Variants in FAM222B observed in about 807,000 individuals in gnomAD.
FAM222B encodes the protein protein FAM222B.
In FAM222B, 12 loss-of-function variants were observed where a neutral mutation model predicts 38.0. The observed-to-expected ratio is 0.32, with a 90% CI of 0.20 to 0.51. The LOEUF (loss-of-function observed/expected upper bound fraction) is 0.51, where lower values mean the gene tolerates loss of function less well. FAM222B is among the 20% of genes least tolerant of loss of function. The pLI is 0.97. For synonymous variants in FAM222B, 329 were observed against 317.2 expected (o/e 1.04, Z -0.40); for missense variants, 716 against 754.2 (o/e 0.95, Z 0.59).
chr17:28,780,836 C>T (rs982738846), intron 1 of FAM222B, among the ~76,000 whole-genome samples: 5 of 151,716 alleles, frequency 3.3e-5, no homozygotes, highest in Admixed American at 1.3e-4. Flanking sequence ...GAGCCGAGAT[C>T]GCACCATTGG....
intron 1 of FAM222B, among the ~76,000 whole-genome samples, chr17:28,828,658 A>T (rs2038532382): frequency 6.6e-6 from 1 of 152,182 alleles, no homozygotes; most frequent in South Asian, 2.1e-4. Flanking sequence ...ACTTTTAATT[A>T]TGTAAAATGT....
intron 1 of FAM222B, among the ~76,000 whole-genome samples, chr17:28,836,621 C>T (rs113662531): frequency 1.3e-5 from 2 of 151,918 alleles, no homozygotes; most frequent in African/African-American, 4.8e-5. Context: ...GCAGGGGGTA[C>T]GTGACTGGGG....
intron 1 of FAM222B, among the ~76,000 whole-genome samples, chr17:28,840,939 TGACAGAGCAA>T (rs2039015944): frequency 6.8e-6 from 1 of 147,404 alleles, no homozygotes; most frequent in Non-Finnish European, 1.5e-5. Context: ...CCAGCCTGGG[TGACAGAGCAA>T]GACTCCTTCA....
intron 1 of FAM222B, among the ~76,000 whole-genome samples, chr17:28,771,854 A>C (rs983931054): frequency 6.6e-6 from 1 of 152,142 alleles, no homozygotes; most frequent in Admixed American, 6.6e-5. Flanking sequence ...GGAGATCGAG[A>C]CTATCCTGGC....
At chr17:28,804,108 C>A (rs1409369355) in intron 1 of FAM222B, among the ~76,000 whole-genome samples, 1 of 152,126 alleles carries the variant, frequency 6.6e-6, no homozygotes, top group Non-Finnish European at 1.5e-5. Context: ...TAACAAAGGT[C>A]AGGTCTCTTC....
rs1439194275 is a variant in FAM222B, at chr17:28,794,222, C to T, written c.-40-27515G>A. ...CCAGCTGGAATCTACTTGTCTTTTG[C>T]TTTTTTTTTTTTTGGAGACAGAGTC... On this transcript the variant is annotated intron_variant, in intron 1 of 2. Coordinates refer to ENST00000581407, the MANE Select transcript of FAM222B (RefSeq NM_001077498.3). Among the ~76,000 whole-genome samples the T allele has an allele frequency of 2.1e-5, 3 of 142,300 alleles. No homozygotes were observed. The East Asian group carries it at 6.2e-4, about 29-fold the overall frequency. 93.4% of individuals were successfully genotyped at this position (142,300 alleles called of 152,430 possible). A position where few individuals can be genotyped will look rare whatever the true frequency, so the allele number is the denominator to read the frequency against.
chr17:28,758,244 T>C lies in FAM222B; in HGVS notation c.*26A>G, dbSNP rs766245749. ...ACCTAGGAGGGTGATGTATGATGTGTTGCACGTGGAGGGCAGCAGGGCTAC... is the reference window on the plus strand; with the variant it reads ...ACCTAGGAGGGTGATGTATGATGTGCTGCACGTGGAGGGCAGCAGGGCTAC... On this transcript the variant is annotated 3_prime_UTR_variant, in exon 3 of 3. Transcript: ENST00000581407. 5 of 1,521,630 alleles carry C rather than the reference T, an allele frequency of 3.3e-6. No homozygotes were observed. Among genetic ancestry groups the C allele is most frequent in the East Asian group, 2.3e-5 (1 of 44,198 alleles). The allele number at this position is 1,521,630 out of a possible 1,614,324, so 94.3% of individuals were successfully genotyped here. A position where few individuals can be genotyped will look rare whatever the true frequency, so the allele number is the denominator to read the frequency against.
intron 1 of FAM222B, among the ~76,000 whole-genome samples, chr17:28,786,127 C>T (rs1383433917): frequency 6.6e-6 from 1 of 152,106 alleles, no homozygotes; most frequent in Admixed American, 6.5e-5. Context: ...CCACCACACC[C>T]GGCCATAGGT....
chr17:28,776,148 G>A (rs1056706644), intron 1 of FAM222B, among the ~76,000 whole-genome samples: 5 of 150,136 alleles, frequency 3.3e-5, no homozygotes, highest in African/African-American at 4.9e-5. Flanking sequence ...TGAGGCGGGC[G>A]TATCATGAGA....
upstream of FAM222B, among the ~76,000 whole-genome samples, chr17:28,845,700 TCTGG>T (rs796377758): frequency 2.1e-5 from 3 of 144,154 alleles, no homozygotes; most frequent in East Asian, 6.4e-4. Flanking sequence ...TCGAGACCAT[TCTGG>T]CTAACACGGT....
At chr17:28,796,790 G>A (rs1330270603) in intron 1 of FAM222B, among the ~76,000 whole-genome samples, 1 of 151,838 alleles carries the variant, frequency 6.6e-6, no homozygotes, top group East Asian at 1.9e-4. Flanking sequence ...TAAATGAGAT[G>A]GTATTTGCAA....
intron 1 of FAM222B, among the ~76,000 whole-genome samples, chr17:28,795,756 GT>G (rs2036911833): frequency 6.6e-6 from 1 of 152,108 alleles, no homozygotes; most frequent in Admixed American, 6.6e-5. Context: ...TCCAAACCAA[GT>G]TTTCTTTTGC....
chr17:28,772,533 G>A (rs1034641537), intron 1 of FAM222B, among the ~76,000 whole-genome samples: 2 of 140,992 alleles, frequency 1.4e-5, no homozygotes, highest in Non-Finnish European at 3.0e-5. Flanking sequence ...GACCATCCTG[G>A]CTAACACAGT....
chr17:28,797,618 G>T lies in FAM222B; in HGVS notation c.-40-30911C>A, dbSNP rs142868995. ...TGATTCCAAATCATTTTAAAAAGGT[G>T]GTTTTTGTAAGGTCATTAACAATAT... On this transcript the variant is annotated intron_variant, in intron 1 of 2. Transcript: ENST00000581407. Among the ~76,000 whole-genome samples the T allele has an allele frequency of 7.9e-5, 12 of 152,162 alleles. No individual in the cohort carries two copies. The East Asian group carries it at 2.3e-3, about 29-fold the overall frequency.
chr17:28,824,552 T>C (rs2038372253), intron 1 of FAM222B, among the ~76,000 whole-genome samples: 1 of 152,118 alleles, frequency 6.6e-6, no homozygotes, highest in South Asian at 2.1e-4. Flanking sequence ...TTTACCTCCC[T>C]GGTTGCTCCA....
Position 28,835,856 on chromosome 17 carries a change from G to C in FAM222B, c.-41+6826C>G, listed in dbSNP as rs115647804. On this transcript the variant is annotated intron_variant, in intron 1 of 2. Transcript: ENST00000581407. ...CCGGCTCATTTTTTTTTATTTTTTT[G>C]TAAAGAGAGGGTTTCACCTTATTGC... Among the ~76,000 whole-genome samples the C allele has an allele frequency of 5.7e-3, 864 of 151,614 alleles. 6 individuals are homozygous for C. Among genetic ancestry groups the C allele is most frequent in the African/African-American group, 0.02 (824 of 41,314 alleles).
At chr17:28,797,357 A>G (rs2036991186) in intron 1 of FAM222B, among the ~76,000 whole-genome samples, 2 of 152,126 alleles carry the variant, frequency 1.3e-5, no homozygotes, top group South Asian at 4.1e-4. Context: ...TAAAAGGGCT[A>G]TCATATAAAG....
At chr17:28,790,712 T>C (rs2036620413) in intron 1 of FAM222B, among the ~76,000 whole-genome samples, 1 of 152,116 alleles carries the variant, frequency 6.6e-6, no homozygotes. Context: ...GTTACTTTCC[T>C]GATTTTGACA....
At chr17:28,776,162 G>A (rs1399163751) in intron 1 of FAM222B, among the ~76,000 whole-genome samples, 3 of 150,448 alleles carry the variant, frequency 2.0e-5, no homozygotes, top group Admixed American at 2.0e-4. Context: ...CATGAGATCA[G>A]GAGATCAAGA....
Sources: gnomAD v4.1 joint callset for allele counts (sites outside exome capture counted in the v4.1 genomes callset) on GRCh38, gnomAD v4.1.1 for gene constraint, MANE v1.5 for transcripts, NCBI Gene and HGNC (gene_info 2026-07-23, HGNC 2026-07-21) for gene names.